SLC1A7: variants seen among roughly 807,000 people sequenced by gnomAD.
SLC1A7 encodes the protein excitatory amino acid transporter 5.
In SLC1A7, 40 loss-of-function variants were observed where a neutral mutation model predicts 47.7. The ratio of observed to expected loss-of-function variants is 0.84; its 90% confidence interval spans 0.65 to 1.09. SLC1A7 has a LOEUF of 1.09. SLC1A7 is among the 50% of genes least tolerant of loss of function. The probability of loss-of-function intolerance (pLI) is 0.00; values close to 1 mark genes in which losing one functional copy is unlikely to be tolerated. For missense variants in SLC1A7, 746 were observed against 769.5 expected, an observed-to-expected ratio of 0.97 and a Z score of 0.36; for synonymous variants, 323 against 325.6, an observed-to-expected ratio of 0.99 and a Z score of 0.09.
chr1:53,141,106 A>G (rs1293787489), intron 1 of SLC1A7, among the ~76,000 whole-genome samples: 5 of 151,972 alleles, frequency 3.3e-5, no homozygotes, highest in Non-Finnish European at 7.4e-5. Context: ...CCTCTTTTCC[A>G]CTGGGCTTTG....
rs1644374685 is a variant in SLC1A7, at chr1:53,087,721, GC to G, written c.*287del. The G allele has an allele frequency of 3.6e-6, 1 of 279,400 alleles. No individual in the cohort carries two copies. Among genetic ancestry groups the G allele is most frequent in the Non-Finnish European group, 6.7e-6 (1 of 149,032 alleles). 17.3% of individuals were successfully genotyped at this position (279,400 alleles called of 1,614,324 possible). A position where few individuals can be genotyped will look rare whatever the true frequency, so the allele number is the denominator to read the frequency against. ...TCAAGTCTGTCATCCAGAAAGTGGG[GC>G]CGGATAACCCCTGCCTGCCGCCCTC... On this transcript the variant is annotated 3_prime_UTR_variant, in exon 11 of 11. Coordinates refer to ENST00000371494, the MANE Select transcript of SLC1A7 (RefSeq NM_006671.6).
At chr1:53,089,735 G>A in intron 9 of SLC1A7, 65 bp downstream of exon 9, 2 of 1,566,030 alleles carry the variant, frequency 1.3e-6, no homozygotes, top group Non-Finnish European at 1.7e-6. Flanking sequence ...CGCTCACCCT[G>A]ATCCCTGCTG....
intron 5 of SLC1A7, among the ~76,000 whole-genome samples, chr1:53,094,294 C>T (rs1218622393): frequency 6.6e-6 from 1 of 152,196 alleles, no homozygotes; most frequent in East Asian, 1.9e-4. Context: ...CCCCGGCATT[C>T]TAGGCCTTCC....
chr1:53,133,656 A>G (rs1053480228), intron 2 of SLC1A7, among the ~76,000 whole-genome samples: 1 of 152,160 alleles, frequency 6.6e-6, no homozygotes, highest in Non-Finnish European at 1.5e-5. Context: ...AGGGTTGCTC[A>G]AGTTCACCTA....
intron 2 of SLC1A7, among the ~76,000 whole-genome samples, chr1:53,116,597 G>A (rs1161550374): frequency 6.6e-6 from 1 of 152,164 alleles, no homozygotes; most frequent in African/African-American, 2.4e-5. Flanking sequence ...GGAAATGGGG[G>A]GCTGCCCTGC....
At chr1:53,126,865 AAT>A (rs766693743) in intron 2 of SLC1A7, among the ~76,000 whole-genome samples, 41 of 1,722 alleles carry the variant, frequency 0.024, no homozygotes, top group Non-Finnish European at 0.038. Flanking sequence ...TTGCTTATCT[AAT>A]TTTTTTTTTT....
intron 3 of SLC1A7, chr1:53,108,695 GA>G: frequency 1.4e-6 from 1 of 716,958 alleles, no homozygotes; most frequent in Non-Finnish European, 2.6e-6. Flanking sequence ...AGACTCAGAT[GA>G]AAGCCAGGTG....
At chr1:53,104,528 A>C (rs1557675854) in intron 4 of SLC1A7, among the ~76,000 whole-genome samples, 1 of 152,264 alleles carries the variant, frequency 6.6e-6, no homozygotes, top group Non-Finnish European at 1.5e-5. Context: ...GAGAAAGGGC[A>C]TTCCAGAGAG....
At chr1:53,135,686 T>TAAA (rs56817579) in intron 1 of SLC1A7, among the ~76,000 whole-genome samples, 34 of 148,658 alleles carry the variant, frequency 2.3e-4, no homozygotes, top group African/African-American at 6.6e-4. Context: ...ATTCTTATAC[T>TAAA]AAAAAAAAAA....
intron 1 of SLC1A7, among the ~76,000 whole-genome samples, chr1:53,139,150 G>T (rs992777165): frequency 2.6e-5 from 4 of 152,204 alleles, no homozygotes; most frequent in African/African-American, 9.7e-5. Context: ...GTATGAGTAG[G>T]GTTTGTCAAC....
At position 53,089,797 on chromosome 1, in the gene SLC1A7, C is replaced by T. The variant is rs1644399290; in HGVS notation, c.1361+3G>A. 6.2e-7 allele frequency: 1 copy of T among 1,613,720 alleles called. No homozygotes were observed. Among genetic ancestry groups the T allele is most frequent in the Non-Finnish European group, 8.5e-7 (1 of 1,179,940 alleles). On this transcript the variant is annotated splice_donor_region_variant and intron_variant, in intron 9 of 10. Coordinates refer to ENST00000371494, the MANE Select transcript of SLC1A7 (RefSeq NM_006671.6). ...GCTAGAGCTAGAGGCAAAGTCCACT[C>T]ACAGAGCCCAGTCAACGGCAATGAT...
chr1:53,095,078 C>A (rs1464761916), intron 5 of SLC1A7, among the ~76,000 whole-genome samples: 2 of 152,174 alleles, frequency 1.3e-5, no homozygotes, highest in Admixed American at 1.3e-4. Context: ...CACACAGAAG[C>A]AGGTGCACAC....
Position 53,129,745 on chromosome 1 carries a change from A to G in SLC1A7, c.215+4605T>C. 1.4e-5 allele frequency among the ~76,000 whole-genome samples: 2 copies of G among 140,712 alleles called. 1 individual carries two copies. The highest frequency in any genetic ancestry group is 3.1e-5 in the Non-Finnish European group (2 of 64,008). 92.3% of individuals were successfully genotyped at this position (140,712 alleles called of 152,430 possible). A position where few individuals can be genotyped will look rare whatever the true frequency, so the allele number is the denominator to read the frequency against. On this transcript the variant is annotated intron_variant, in intron 2 of 10. Transcript: ENST00000371494. ...AGCCCTCACGTCCACCCTTGCAGTC[A>G]CCCACACTTCTTTACACCTCACCAC...
chr1:53,142,574 C>T lies in SLC1A7; in HGVS notation c.-125G>A, dbSNP rs1335042776. 3.6e-5 allele frequency: 39 copies of T among 1,093,430 alleles called. No individual in the cohort carries two copies. The highest frequency in any genetic ancestry group is 5.0e-5 in the Non-Finnish European group (39 of 786,480). The allele number at this position is 1,093,430 out of a possible 1,614,324, so 67.7% of individuals were successfully genotyped here. On this transcript the variant is annotated 5_prime_UTR_variant, in exon 1 of 11. The change creates a new upstream start codon in the 5' untranslated region. Coordinates refer to ENST00000371494, the MANE Select transcript of SLC1A7 (RefSeq NM_006671.6). ...GGCAGGTGGTCGGAGTTGCTAAACA[C>T]CAGTCGCCAGCCCCACGGCCATGCC...
intron 2 of SLC1A7, among the ~76,000 whole-genome samples, chr1:53,125,920 G>A (rs1477856226): frequency 6.6e-6 from 1 of 152,230 alleles, no homozygotes. Flanking sequence ...GGGACACACT[G>A]GGCTTCCTGC....
intron 2 of SLC1A7, among the ~76,000 whole-genome samples, chr1:53,133,858 A>AG (rs5774136): frequency 0.92 from 139,427 of 152,146 alleles, 64,030 homozygotes; most frequent in East Asian, 1. Context: ...AGCATACACA[A>AG]CATATAGTCT....
chr1:53,096,686 C>A (rs1358929729), intron 5 of SLC1A7, among the ~76,000 whole-genome samples: 1 of 151,042 alleles, frequency 6.6e-6, no homozygotes, highest in Non-Finnish European at 1.5e-5. Context: ...CACACACACA[C>A]CGCCTCAATA....
At chr1:53,136,651 A>ATT (rs1448113023) in intron 1 of SLC1A7, among the ~76,000 whole-genome samples, 8 of 51,230 alleles carry the variant, frequency 1.6e-4, no homozygotes, top group African/African-American at 2.9e-4. Flanking sequence ...ACATATATAT[A>ATT]TTATATATAT....
chr1:53,130,744 G>A (rs1207120634), intron 2 of SLC1A7, among the ~76,000 whole-genome samples: 2 of 152,166 alleles, frequency 1.3e-5, no homozygotes, highest in Non-Finnish European at 2.9e-5. Flanking sequence ...CTCAGGGTCA[G>A]GCCTGACATC....
Sources: allele counts gnomAD v4.1 joint callset (sites outside exome capture counted in the v4.1 genomes callset), GRCh38; gene constraint gnomAD v4.1.1; transcripts MANE v1.5; gene names NCBI Gene and HGNC (gene_info 2026-07-23, HGNC 2026-07-21).